The following PCLAF variants were observed in gnomAD, a reference collection of about 807,000 sequenced individuals.
PCLAF encodes the protein PCNA-associated factor.
Under a neutral mutation model 15.1 loss-of-function variants are expected in PCLAF, and 12 were observed. The observed-to-expected ratio is 0.79, with a 90% confidence interval of 0.51 to 1.29. The LOEUF is 1.29. Among genes scored for constraint, PCLAF ranks in the 50% most tolerant of loss-of-function variants. PCLAF has a pLI of 0.00. For missense variants in PCLAF, 116 were observed against 130.9 expected, an observed-to-expected ratio of 0.89 and a Z score of 0.56; for synonymous variants, 33 against 47.1, an observed-to-expected ratio of 0.70 and a Z score of 1.22.
intron 3 of PCLAF, among the ~76,000 whole-genome samples, chr15:64,375,722 T>C (rs1402592777): frequency 6.6e-6 from 1 of 152,136 alleles, no homozygotes; most frequent in Non-Finnish European, 1.5e-5. Context: ...CAAGTTGAAC[T>C]GGTAGTTTTT....
chr15:64,381,296 G>T (rs202164043), intron 1 of PCLAF, 30 bp downstream of exon 1: 1 of 1,612,720 alleles, frequency 6.2e-7, no homozygotes, highest in Admixed American at 1.7e-5. Context: ...GGACCCCCCC[G>T]CCCTCCAGTA....
rs1218098826 is a variant in PCLAF, at chr15:64,365,938, A to G, written c.*92T>C. 2.8e-6 allele frequency: 3 copies of G among 1,083,932 alleles called. No individual in the cohort carries two copies. In the African/African-American group the frequency reaches 4.8e-5, roughly 17 times the overall value. 67.1% of individuals were successfully genotyped at this position (1,083,932 alleles called of 1,614,324 possible). Reference sequence around the variant, plus strand: ...TTTTTAATTAAATGCCTGTTCAACAAAGCTAATTGGAACAAACACATTTAT... The same window carrying G: ...TTTTTAATTAAATGCCTGTTCAACAGAGCTAATTGGAACAAACACATTTAT... On this transcript the variant is annotated 3_prime_UTR_variant, in exon 4 of 4. Transcript: ENST00000300035.
chr15:64,366,389 G>A (rs1566963449), intron 3 of PCLAF, among the ~76,000 whole-genome samples: 2 of 152,120 alleles, frequency 1.3e-5, no homozygotes, highest in South Asian at 4.2e-4. Context: ...GTTATTAAAT[G>A]GATTGATAAA....
intron 3 of PCLAF, chr15:64,373,691 C>T (rs1899454899): frequency 2.0e-6 from 3 of 1,535,276 alleles, no homozygotes; most frequent in East Asian, 4.9e-5. Flanking sequence ...CGCCACCATC[C>T]CCTTACCCAT....
intron 3 of PCLAF, chr15:64,373,855 A>C: frequency 7.7e-7 from 1 of 1,290,540 alleles, no homozygotes; most frequent in Non-Finnish European, 1.1e-6. Flanking sequence ...CATCCAGACA[A>C]GTACTTTGTT....
chr15:64,368,703 G>A (rs898034685), intron 3 of PCLAF, among the ~76,000 whole-genome samples: 21 of 151,444 alleles, frequency 1.4e-4, no homozygotes, highest in Admixed American at 4.6e-4. Flanking sequence ...AGGACCTAAA[G>A]AAATAATATA....
intron 3 of PCLAF, among the ~76,000 whole-genome samples, chr15:64,375,188 G>C (rs768422754): frequency 6.6e-6 from 1 of 151,906 alleles, no homozygotes; most frequent in Admixed American, 6.6e-5. Flanking sequence ...GCAGTGGTGC[G>C]ATCTCAGCTC....
intron 1 of PCLAF, 21 bp from the exon 2 acceptor site, chr15:64,381,059 G>A (rs200434561): frequency 1.1e-4 from 177 of 1,612,986 alleles, no homozygotes; most frequent in Non-Finnish European, 1.5e-4. Flanking sequence ...AGGCAAAAAA[G>A]GGTGTTCAGA....
At chr15:64,374,354 C>T (rs1031315254) in intron 3 of PCLAF, among the ~76,000 whole-genome samples, 3 of 151,790 alleles carry the variant, frequency 2.0e-5, no homozygotes, top group African/African-American at 7.3e-5. Flanking sequence ...CTGGCTAACA[C>T]GGTGAAATCC....
intron 1 of PCLAF, 49 bp from the exon 2 acceptor site, chr15:64,381,087 G>A (rs1051443174): frequency 1.0e-5 from 16 of 1,560,510 alleles, no homozygotes; most frequent in East Asian, 2.2e-5. Flanking sequence ...GGAGGGTTCC[G>A]ACACCGAGTC....
intron 3 of PCLAF, among the ~76,000 whole-genome samples, chr15:64,372,398 A>G (rs1018297394): frequency 2.6e-5 from 4 of 152,018 alleles, no homozygotes; most frequent in African/African-American, 9.7e-5. Flanking sequence ...GTGGATCACA[A>G]GGTCAGGAGA....
upstream of PCLAF, among the ~76,000 whole-genome samples, chr15:64,384,815 G>A (rs1484858874): frequency 6.6e-6 from 1 of 151,816 alleles, no homozygotes; most frequent in African/African-American, 2.4e-5. Flanking sequence ...GCATTGCTCA[G>A]GCAGAAATGT....
At chr15:64,386,276 G>A (rs1899933759), upstream of PCLAF, among the ~76,000 whole-genome samples, 1 of 151,118 alleles carries the variant, frequency 6.6e-6, no homozygotes, top group African/African-American at 2.4e-5. Context: ...CCAAATTAAT[G>A]ATATCTACGA....
In PCLAF at chr15:64,365,020, G is replaced by T. The variant is rs1898974367; in HGVS notation, c.*1010C>A. On this transcript the variant is annotated 3_prime_UTR_variant, in exon 4 of 4. Coordinates refer to ENST00000300035, the MANE Select transcript of PCLAF (RefSeq NM_014736.6). ...TTTTTTTTTTTTTTTTTTTGAGACGGAGTCTCGCTCTGTCGCCCAAGCCGG... is the reference window on the plus strand; with the variant it reads ...TTTTTTTTTTTTTTTTTTTGAGACGTAGTCTCGCTCTGTCGCCCAAGCCGG... 7.4e-6 allele frequency: 1 copy of T among 134,882 alleles called. No homozygotes were observed. The highest frequency in any genetic ancestry group is 2.3e-4 in the South Asian group (1 of 4,274). The allele number at this position is 134,882 out of a possible 1,614,324, so 8.4% of individuals were successfully genotyped here. A position where few individuals can be genotyped will look rare whatever the true frequency, so the allele number is the denominator to read the frequency against.
chr15:64,367,520 A>AAC (rs1555406948), intron 3 of PCLAF, among the ~76,000 whole-genome samples: 4 of 151,656 alleles, frequency 2.6e-5, no homozygotes, highest in Non-Finnish European at 5.9e-5. Flanking sequence ...ACCCAAAAAA[A>AAC]AAAACAAAAA....
chr15:64,381,438 A>C lies in PCLAF; in HGVS notation c.-67T>G. The C allele has an allele frequency of 6.2e-7, 1 of 1,611,474 alleles. No homozygotes were observed. Among genetic ancestry groups the C allele is most frequent in the Non-Finnish European group, 8.5e-7 (1 of 1,178,476 alleles). ...CCCAGCCGAGGGTGTTTCACTGGAC[A>C]AGGACCCGAAAACTATCCCGCCACA... On this transcript the variant is annotated 5_prime_UTR_variant, in exon 1 of 4. Transcript: ENST00000300035.
chr15:64,381,456 C>A (rs1268855031), upstream of PCLAF: 1 of 1,612,096 alleles, frequency 6.2e-7, no homozygotes, highest in Non-Finnish European at 8.5e-7. Flanking sequence ...GAAAACTATC[C>A]CGCCACAGTT....
At chr15:64,369,062 C>G (rs1899169699) in intron 3 of PCLAF, among the ~76,000 whole-genome samples, 1 of 151,994 alleles carries the variant, frequency 6.6e-6, no homozygotes, top group Non-Finnish European at 1.5e-5. Flanking sequence ...AAGCTTTATC[C>G]AAAATGTATC....
At chr15:64,382,162 G>A (rs1281422891), upstream of PCLAF, among the ~76,000 whole-genome samples, 1 of 151,904 alleles carries the variant, frequency 6.6e-6, no homozygotes, top group Non-Finnish European at 1.5e-5. Context: ...AGGCCGAGGC[G>A]GGCAGATCGC....
Sources: gnomAD v4.1 joint callset for allele counts (sites outside exome capture counted in the v4.1 genomes callset) on GRCh38, gnomAD v4.1.1 for gene constraint, MANE v1.5 for transcripts, NCBI Gene and HGNC (gene_info 2026-07-23, HGNC 2026-07-21) for gene names.